Variants in SAMD12 observed in about 807,000 individuals in gnomAD.
SAMD12 encodes sterile alpha motif domain containing 12.
SAMD12 carries 9 observed loss-of-function variants against 15.0 expected under a neutral mutation model. The ratio of observed to expected loss-of-function variants is 0.60; its 90% CI spans 0.36 to 1.05. The LOEUF is 1.05. Among genes scored for constraint, SAMD12 ranks in the 50% least tolerant of loss-of-function variants. The probability of loss-of-function intolerance (pLI) is 0.01; values close to 1 mark genes in which losing one functional copy is unlikely to be tolerated. For missense variants in SAMD12, 230 were observed against 234.2 expected, an observed-to-expected ratio of 0.98 and a Z score of 0.12; for synonymous variants, 86 against 90.1, an observed-to-expected ratio of 0.96 and a Z score of 0.25.
intron 2 of SAMD12, among the ~76,000 whole-genome samples, chr8:118,487,708 A>G (rs77655039): frequency 0.017 from 2,586 of 152,314 alleles, 76 homozygotes; most frequent in African/African-American, 0.056. Context: ...CTTCTTAGAG[A>G]AAAGGAAAAT....
At chr8:118,158,998 G>T in the SAMD12 span, among the ~76,000 whole-genome samples, 1 of 152,062 alleles carries the variant, frequency 6.6e-6, no homozygotes, top group African/African-American at 2.4e-5. Context: ...TGCGGGACAA[G>T]AACTCGGGAC....
intron 2 of SAMD12, among the ~76,000 whole-genome samples, chr8:118,517,128 T>C (rs1466351271): frequency 6.6e-6 from 1 of 152,206 alleles, no homozygotes; most frequent in Non-Finnish European, 1.5e-5. Flanking sequence ...AGAAATCATT[T>C]TCATTTCTGA....
intron 2 of SAMD12, among the ~76,000 whole-genome samples, chr8:118,569,340 T>G (rs1287495861): frequency 6.6e-6 from 1 of 152,162 alleles, no homozygotes; most frequent in African/African-American, 2.4e-5. Context: ...TAAATGAATT[T>G]CATGCTTAGA....
intron 4 of SAMD12, among the ~76,000 whole-genome samples, chr8:118,342,708 T>G (rs1200522374): frequency 6.6e-6 from 1 of 152,244 alleles, no homozygotes; most frequent in Non-Finnish European, 1.5e-5. Context: ...TCTCAAATGC[T>G]AGTGATAGAA....
intron 4 of SAMD12, among the ~76,000 whole-genome samples, chr8:118,371,664 G>C (rs566161642): frequency 6.6e-6 from 1 of 152,246 alleles, no homozygotes; most frequent in African/African-American, 2.4e-5. Flanking sequence ...TTTTAAATTT[G>C]AGATGTCAGA....
chr8:118,300,896 A>C (rs1412337839), intron 4 of SAMD12, among the ~76,000 whole-genome samples: 3 of 152,236 alleles, frequency 2.0e-5, no homozygotes, highest in Non-Finnish European at 4.4e-5. Flanking sequence ...CAATGTAAAC[A>C]CATCTTACCT....
the SAMD12 span, among the ~76,000 whole-genome samples, chr8:118,159,074 C>T: frequency 2.0e-5 from 3 of 151,916 alleles, no homozygotes; most frequent in Non-Finnish European, 2.9e-5. Flanking sequence ...TTTTCCCCAT[C>T]CCCACTCCAC....
rs946989404 is a variant in SAMD12, at chr8:118,268,842, G to A, written c.434-71110C>T. 3.9e-5 allele frequency among the ~76,000 whole-genome samples: 6 copies of A among 152,144 alleles called. No individual in the cohort carries two copies. In the East Asian group the frequency reaches 9.6e-4, roughly 24 times the overall value. ...AAAAAGAACATGCTCCATAATTCTGGTATTTTATCAATTTTATCTTCCTGG... is the reference window on the plus strand; with the variant it reads ...AAAAAGAACATGCTCCATAATTCTGATATTTTATCAATTTTATCTTCCTGG... On this transcript the variant is annotated intron_variant, in intron 4 of 4. Transcript: ENST00000409003.
chr8:118,444,966 G>A (rs758681510), intron 2 of SAMD12, among the ~76,000 whole-genome samples: 11 of 152,156 alleles, frequency 7.2e-5, no homozygotes, highest in Non-Finnish European at 1.5e-4. Flanking sequence ...TCATTGGCAG[G>A]GCAAAGTGAG....
chr8:118,596,062 A>T (rs1000551400), intron 1 of SAMD12, among the ~76,000 whole-genome samples: 67 of 152,204 alleles, frequency 4.4e-4, no homozygotes, highest in African/African-American at 1.6e-3. Flanking sequence ...TACTTGTGAT[A>T]ACCAGAGGAA....
At chr8:118,411,794 G>A (rs146249304) in intron 3 of SAMD12, among the ~76,000 whole-genome samples, 63 of 152,206 alleles carry the variant, frequency 4.1e-4, no homozygotes, top group African/African-American at 1.3e-3. Context: ...TACGGGGAGG[G>A]CTAAAAACAC....
chr8:118,379,800 T>C, intron 3 of SAMD12, 100 bp from the exon 4 acceptor site: 1 of 1,425,030 alleles, frequency 7.0e-7, no homozygotes, highest in East Asian at 2.3e-5. Context: ...CAGAAGTTTC[T>C]ACCTAAACAC....
chr8:118,181,262 C>G, the SAMD12 span, among the ~76,000 whole-genome samples: 2 of 152,204 alleles, frequency 1.3e-5, no homozygotes, highest in African/African-American at 4.8e-5. Context: ...GTTGGATTCA[C>G]AATAACATCT....
intron 4 of SAMD12, among the ~76,000 whole-genome samples, chr8:118,232,994 C>T (rs148106703): frequency 2.6e-5 from 4 of 152,214 alleles, no homozygotes; most frequent in Non-Finnish European, 4.4e-5. Flanking sequence ...TCAGAGAAAC[C>T]GATCAGAGCA....
intron 2 of SAMD12, among the ~76,000 whole-genome samples, chr8:118,497,315 A>G (rs183945393): frequency 4.2e-4 from 64 of 152,356 alleles, no homozygotes; most frequent in African/African-American, 1.5e-3. Flanking sequence ...ACAAGGAATC[A>G]ACCTAGATGC....
intron 1 of SAMD12, among the ~76,000 whole-genome samples, chr8:118,602,806 G>A (rs1240975248): frequency 6.6e-6 from 1 of 152,054 alleles, no homozygotes; most frequent in Non-Finnish European, 1.5e-5. Flanking sequence ...CAAAAAATAT[G>A]AGCAAAGTCT....
chr8:118,530,462 C>T (rs995168722), intron 2 of SAMD12, among the ~76,000 whole-genome samples: 5 of 152,078 alleles, frequency 3.3e-5, no homozygotes, highest in African/African-American at 1.2e-4. Context: ...TAAGTGAGAA[C>T]CTGGTATTTG....
intron 4 of SAMD12, among the ~76,000 whole-genome samples, chr8:118,293,058 A>C (rs1041324423): frequency 1.2e-4 from 18 of 151,962 alleles, no homozygotes; most frequent in South Asian, 2.1e-4. Context: ...TAATAATAAA[A>C]AAACAAACAA....
At chr8:118,316,820 T>TG (rs1368789240) in intron 4 of SAMD12, among the ~76,000 whole-genome samples, 1 of 148,998 alleles carries the variant, frequency 6.7e-6, no homozygotes, top group Non-Finnish European at 1.5e-5. Context: ...AAAAAAGTTT[T>TG]TTTTTTTTTT....
Sources: gnomAD v4.1 joint callset for allele counts (sites outside exome capture counted in the v4.1 genomes callset) on GRCh38, gnomAD v4.1.1 for gene constraint, MANE v1.5 for transcripts, NCBI Gene and HGNC (gene_info 2026-07-23, HGNC 2026-07-21) for gene names.